The following TRPC7 variants were observed in gnomAD, a reference collection of about 807,000 sequenced individuals.
TRPC7 encodes short transient receptor potential channel 7.
TRPC7 carries 42 observed loss-of-function variants against 90.1 expected under a neutral mutation model. The ratio of observed to expected loss-of-function variants is 0.47; its 90% confidence interval spans 0.36 to 0.60. The LOEUF is 0.60. Among genes scored for constraint, TRPC7 ranks in the 20% least tolerant of loss-of-function variants. The pLI, the probability that TRPC7 is intolerant of heterozygous loss-of-function variation, is 0.00. For synonymous variants in TRPC7, 451 were observed against 436.3 expected (o/e 1.03, Z -0.42); for missense variants, 955 against 1,112.3 (o/e 0.86, Z 2.01).
intron 9 of TRPC7, 128 bp downstream of exon 9, chr5:136,225,906 C>T (rs912796404): frequency 1.8e-5 from 13 of 733,244 alleles, no homozygotes; most frequent in South Asian, 5.5e-5. Context: ...TACAGAGTAC[C>T]GGCCCTCCCA....
chr5:136,315,169 T>G (rs1303405796), intron 3 of TRPC7, among the ~76,000 whole-genome samples: 1 of 152,180 alleles, frequency 6.6e-6, no homozygotes, highest in Admixed American at 6.5e-5. Flanking sequence ...TTAATACATT[T>G]TCTACACAAC....
chr5:136,273,944 G>A lies in TRPC7; in HGVS notation c.1128+729C>T, dbSNP rs565002234. ...ACTGGGATGTGGGGATGGTGGAGCC[G>A]CTAGTAGGGCAGCTTGGCACCTGCA... is the stretch of plus-strand genomic sequence containing the variant. On this transcript the variant is annotated intron_variant, in intron 4 of 11. Coordinates refer to ENST00000513104, the MANE Select transcript of TRPC7 (RefSeq NM_020389.3). 5.2e-4 allele frequency among the ~76,000 whole-genome samples: 79 copies of A among 152,278 alleles called. 1 individual carries two copies. Among genetic ancestry groups the A allele is most frequent in the Middle Eastern group, 3.4e-3 (1 of 294 alleles).
At chr5:136,244,361 A>G (rs1483667370) in intron 7 of TRPC7, among the ~76,000 whole-genome samples, 1 of 152,024 alleles carries the variant, frequency 6.6e-6, no homozygotes, top group African/African-American at 2.4e-5. Context: ...CATGGCACTG[A>G]TCTTCTGAGG....
intron 3 of TRPC7, among the ~76,000 whole-genome samples, chr5:136,291,495 G>T (rs1007114501): frequency 1.3e-5 from 2 of 152,150 alleles, no homozygotes; most frequent in Non-Finnish European, 2.9e-5. Flanking sequence ...TGCAATCCTA[G>T]TCTCTGATAA....
At chr5:136,231,884 T>C (rs1018057419) in intron 7 of TRPC7, among the ~76,000 whole-genome samples, 8 of 152,184 alleles carry the variant, frequency 5.3e-5, no homozygotes, top group Non-Finnish European at 1.2e-4. Flanking sequence ...GGATGACAGA[T>C]GTAAGCCACT....
At chr5:136,336,172 C>G (rs1187389561) in intron 2 of TRPC7, among the ~76,000 whole-genome samples, 20 of 152,160 alleles carry the variant, frequency 1.3e-4, no homozygotes, top group Non-Finnish European at 1.0e-4. Flanking sequence ...GAAGCTTTCT[C>G]TCACGTTGCA....
At chr5:136,213,690 C>G (rs1755166459) in intron 11 of TRPC7, 86 bp from the exon 12 acceptor site, 3 of 1,465,656 alleles carry the variant, frequency 2.0e-6, no homozygotes, top group Non-Finnish European at 2.8e-6. Context: ...GTGCATCCTT[C>G]CAGTGGAATG....
chr5:136,334,976 A>G (rs1428009625), intron 2 of TRPC7, among the ~76,000 whole-genome samples: 1 of 152,220 alleles, frequency 6.6e-6, no homozygotes, highest in Non-Finnish European at 1.5e-5. Context: ...CGGGAGACAT[A>G]GGTAAAAGAT....
At chr5:136,249,595 C>T (rs1452154295) in intron 6 of TRPC7, among the ~76,000 whole-genome samples, 1 of 152,182 alleles carries the variant, frequency 6.6e-6, no homozygotes, top group Non-Finnish European at 1.5e-5. Context: ...TAACAAGACA[C>T]TCTTATAATC....
intron 3 of TRPC7, among the ~76,000 whole-genome samples, chr5:136,290,134 C>T (rs1201346490): frequency 6.6e-6 from 1 of 152,172 alleles, no homozygotes; most frequent in Non-Finnish European, 1.5e-5. Context: ...CACCAAAAAC[C>T]CACCTGTACG....
intron 2 of TRPC7, among the ~76,000 whole-genome samples, chr5:136,333,637 C>T (rs1759566772): frequency 6.6e-6 from 1 of 152,124 alleles, no homozygotes; most frequent in African/African-American, 2.4e-5. Context: ...TAGGTAGAAT[C>T]TGTTGGAATC....
chr5:136,234,063 T>G (rs1248391327), intron 7 of TRPC7, among the ~76,000 whole-genome samples: 1 of 152,214 alleles, frequency 6.6e-6, no homozygotes, highest in East Asian at 1.9e-4. Flanking sequence ...TAACCTGGCC[T>G]GGAATGCTGA....
intron 3 of TRPC7, among the ~76,000 whole-genome samples, chr5:136,278,234 C>T (rs1192859605): frequency 1.3e-5 from 2 of 152,216 alleles, no homozygotes; most frequent in Non-Finnish European, 2.9e-5. Flanking sequence ...CTGCATGATC[C>T]CCTGCTGGAG....
chr5:136,269,000 A>G (rs1453903816), intron 4 of TRPC7, among the ~76,000 whole-genome samples: 2 of 152,226 alleles, frequency 1.3e-5, no homozygotes, highest in Non-Finnish European at 2.9e-5. Context: ...CTCCATTTGC[A>G]AGGCCATCAG....
At chr5:136,330,865 C>A (rs1323593089) in intron 2 of TRPC7, among the ~76,000 whole-genome samples, 1 of 152,178 alleles carries the variant, frequency 6.6e-6, no homozygotes, top group African/African-American at 2.4e-5. Flanking sequence ...CTCCACCACA[C>A]CCTTTTTGGA....
In TRPC7 at chr5:136,292,504, T is replaced by C. The variant is rs556016381; in HGVS notation, c.964-17667A>G. Among the ~76,000 whole-genome samples the C allele has an allele frequency of 2.7e-3, 409 of 152,294 alleles. 1 individual carries two copies. The highest frequency in any genetic ancestry group is 9.7e-3 in the African/African-American group (401 of 41,554). On this transcript the variant is annotated intron_variant, in intron 3 of 11. Coordinates refer to ENST00000513104, the MANE Select transcript of TRPC7 (RefSeq NM_020389.3). ...AGAAATACAAACTACCATCAGAGAATACTATAAACACCTCTATGCAAATAA... is the reference window on the plus strand; with the variant it reads ...AGAAATACAAACTACCATCAGAGAACACTATAAACACCTCTATGCAAATAA...
intron 2 of TRPC7, among the ~76,000 whole-genome samples, chr5:136,347,373 T>A (rs747365903): frequency 4.6e-5 from 7 of 152,162 alleles, no homozygotes; most frequent in African/African-American, 7.2e-5. Context: ...CAAAGTCCCA[T>A]GAAGGCAAGG....
At chr5:136,213,681 T>G in intron 11 of TRPC7, 77 bp from the exon 12 acceptor site, 1 of 1,504,748 alleles carries the variant, frequency 6.6e-7, no homozygotes, top group Non-Finnish European at 9.1e-7. Context: ...TGTGGGCATG[T>G]GCATCCTTCC....
intron 8 of TRPC7, among the ~76,000 whole-genome samples, chr5:136,228,430 T>C (rs1755700671): frequency 7.4e-6 from 1 of 135,110 alleles, no homozygotes; most frequent in African/African-American, 2.9e-5. Context: ...GGATTTTTTA[T>C]AGTTCCTTTT....
Sources: allele counts gnomAD v4.1 joint callset (sites outside exome capture counted in the v4.1 genomes callset), GRCh38; gene constraint gnomAD v4.1.1; transcripts MANE v1.5; gene names NCBI Gene and HGNC (gene_info 2026-07-23, HGNC 2026-07-21).